ZNF71: variants seen among roughly 807,000 people sequenced by gnomAD.
The protein encoded by ZNF71 is zinc finger protein 71.
ZNF71 carries 3 observed loss-of-function variants against 6.7 expected under a neutral mutation model. The observed-to-expected ratio is 0.45, with a 90% CI of 0.20 to 1.16. ZNF71 has a LOEUF of 1.16. Among genes scored for constraint, ZNF71 ranks in the 50% most tolerant of loss-of-function variants. The pLI is 0.25. For synonymous variants in ZNF71, 343 were observed against 311.1 expected (o/e 1.10, Z -1.08); for missense variants, 688 against 728.6 (o/e 0.94, Z 0.64).
At position 56,613,758 on chromosome 19, in the gene ZNF71, CA is replaced by C; in HGVS notation, c.34-53del. The C allele has an allele frequency of 9.4e-7, 1 of 1,069,214 alleles. No individual in the cohort carries two copies. The highest frequency in any genetic ancestry group is 1.2e-6 in the Non-Finnish European group (1 of 865,692). 66.2% of individuals were successfully genotyped at this position (1,069,214 alleles called of 1,614,324 possible). ...CTCTTGGCTTTTCTGGCCATTCCTC[CA>C]CGCCTCTGTAAGGAGGGCCCTGCGA... On this transcript the variant is annotated intron_variant, in intron 2 of 3. Coordinates refer to ENST00000599599, the MANE Select transcript of ZNF71 (RefSeq NM_001370215.1). The surrounding 1 kb of genome is among the most constrained non-coding windows in gnomAD (Gnocchi z 4.6).
intron 2 of ZNF71, among the ~76,000 whole-genome samples, chr19:56,612,790 GA>G (rs1377599669): frequency 6.6e-6 from 1 of 152,076 alleles, no homozygotes; most frequent in Non-Finnish European, 1.5e-5. Flanking sequence ...TTTAAAAATT[GA>G]AAAACAAATT....
At position 56,622,580 on chromosome 19, in the gene ZNF71, C is replaced by G; in HGVS notation, c.1473C>G (p.Ile491Met). 6.2e-7 allele frequency: 1 copy of G among 1,613,420 alleles called. No individual in the cohort carries two copies. Among genetic ancestry groups the G allele is most frequent in the Non-Finnish European group, 8.5e-7 (1 of 1,179,586 alleles). Residue 491 changes from isoleucine (I) to methionine (M), a missense_variant, in exon 4 of 4, where the codon ATC becomes ATG. By Grantham distance (10) the Ile-to-Met change is conservative. Transcript: ENST00000599599. ...QSAYLIEHQRIHTGEKPYRCG... is the reference protein window; with the variant it reads ...QSAYLIEHQRMHTGEKPYRCG... The stretch of plus-strand genomic sequence containing the variant: ...CCTACCTCATCGAGCACCAGCGGAT[C>G]CACACCGGCGAGAAGCCGTACAGGT...
chr19:56,620,587 AGTGAC>A (rs2044836151), intron 3 of ZNF71, among the ~76,000 whole-genome samples: 2 of 151,810 alleles, frequency 1.3e-5, no homozygotes, highest in South Asian at 4.2e-4. Flanking sequence ...GCTGGAGTGC[AGTGAC>A]GTGATCATAG....
In ZNF71 at chr19:56,622,076, G is replaced by A. The variant is rs201252925; in HGVS notation, c.969G>A (p.Thr323=). The change falls in exon 4 of 4, where the codon ACG becomes ACA. Residue 323 remains threonine (T), a synonymous_variant. Coordinates refer to ENST00000599599, the MANE Select transcript of ZNF71 (RefSeq NM_001370215.1). The part of the protein sequence containing the change: ...QNMHLIVHQR[T]HTGEKPYVCP... ...TGCACCTCATCGTGCACCAGCGCAC[G>A]CACACCGGGGAGAAGCCGTACGTGT... The A allele has an allele frequency of 4.3e-6, 7 of 1,610,232 alleles. No homozygotes were observed. The East Asian group carries it at 1.3e-4, about 31-fold the overall frequency.
intron 2 of ZNF71, among the ~76,000 whole-genome samples, chr19:56,605,193 T>C (rs929344257): frequency 2.6e-5 from 4 of 152,200 alleles, no homozygotes; most frequent in African/African-American, 9.6e-5. Flanking sequence ...ACATCTCATA[T>C]GCTCTGTGTG....
rs146554145 is a variant in ZNF71, at chr19:56,599,037, C to T, written c.-52-2470C>T. On this transcript the variant is annotated intron_variant, in intron 1 of 3. Coordinates refer to ENST00000599599, the MANE Select transcript of ZNF71 (RefSeq NM_001370215.1). Reference sequence around the variant, plus strand: ...TGAGTGAGATTTTAATAAGCATCCCCAGTGATTCTGGTACTTTGAGAATTG... The same window carrying T: ...TGAGTGAGATTTTAATAAGCATCCCTAGTGATTCTGGTACTTTGAGAATTG... Among the ~76,000 whole-genome samples, 810 of 152,292 alleles carry T rather than the reference C, an allele frequency of 5.3e-3. 6 individuals carry two copies. The highest frequency in any genetic ancestry group is 0.018 in the African/African-American group (742 of 41,546).
chr19:56,622,591 A>C lies in ZNF71; in HGVS notation c.1484A>C (p.Glu495Ala), dbSNP rs751428159. The C allele has an allele frequency of 6.2e-7, 1 of 1,613,064 alleles. No individual in the cohort carries two copies. Among genetic ancestry groups the C allele is most frequent in the Non-Finnish European group, 8.5e-7 (1 of 1,179,548 alleles). ...GAGCACCAGCGGATCCACACCGGCG[A>C]GAAGCCGTACAGGTGCGGCCAGTGC... Reference protein sequence around the residue: ...LIEHQRIHTGEKPYRCGQCGK... With the variant: ...LIEHQRIHTGAKPYRCGQCGK... Residue 495 changes from glutamate to alanine, a missense_variant, in exon 4 of 4, where the codon GAG becomes GCG. Transcript: ENST00000599599.
chr19:56,597,774 A>G (rs555317596), intron 1 of ZNF71, among the ~76,000 whole-genome samples: 4 of 151,758 alleles, frequency 2.6e-5, no homozygotes, highest in East Asian at 1.9e-4. Context: ...TTTTTTTCCT[A>G]TATGTAACTT....
rs1198075441 is a variant in ZNF71, at chr19:56,614,294, CTAG to C, written c.160+357_160+359del. Among the ~76,000 whole-genome samples the C allele has an allele frequency of 4.6e-5, 7 of 152,116 alleles. No individual in the cohort carries two copies. In the East Asian group the frequency reaches 1.3e-3, roughly 29 times the overall value. ...TACTGGAGACACACAAATTGAGGTA[CTAG>C]CAGTTTTTGCCCATGAAGTGCACAA... On this transcript the variant is annotated intron_variant, in intron 3 of 3. Transcript: ENST00000599599.
At position 56,622,800 on chromosome 19, in the gene ZNF71, C is replaced by T. The variant is rs764660464; in HGVS notation, c.*43C>T. ...TCTCACTGGCGGTGCCCAGGACGGA[C>T]GCCAGATGGCTGCGCGCTTTGTCAG... On this transcript the variant is annotated 3_prime_UTR_variant, in exon 4 of 4. Transcript: ENST00000599599. 1.3e-5 allele frequency: 20 copies of T among 1,548,582 alleles called. No individual in the cohort carries two copies. The highest frequency in any genetic ancestry group is 4.1e-5 in the African/African-American group (3 of 73,186).
chr19:56,621,968 C>T lies in ZNF71; in HGVS notation c.861C>T (p.Ser287=). 1.2e-6 allele frequency: 2 copies of T among 1,603,484 alleles called. No homozygotes were observed. The highest frequency in any genetic ancestry group is 1.7e-6 in the Non-Finnish European group (2 of 1,177,524). ...GTGGCAAGGCCTTCCGGAAGACTTCCTCTCTCACCCAGCACGAGCGGATCC... is the reference window on the plus strand; with the variant it reads ...GTGGCAAGGCCTTCCGGAAGACTTCTTCTCTCACCCAGCACGAGCGGATCC... ...DVCGKAFRKT[S]SLTQHERIHT... The change falls in exon 4 of 4, where the codon TCC becomes TCT. Residue 287 remains serine (S), a synonymous_variant. Coordinates refer to ENST00000599599, the MANE Select transcript of ZNF71 (RefSeq NM_001370215.1).
chr19:56,599,916 C>T (rs1223829059), intron 1 of ZNF71, among the ~76,000 whole-genome samples: 4 of 151,584 alleles, frequency 2.6e-5, no homozygotes, highest in Non-Finnish European at 5.9e-5. Flanking sequence ...CTCCTGACCT[C>T]GTGATCCGCC....
chr19:56,602,758 G>A (rs2044680719), intron 2 of ZNF71, among the ~76,000 whole-genome samples: 1 of 152,052 alleles, frequency 6.6e-6, no homozygotes. Context: ...AAATATTTGT[G>A]GCAAATATTC....
At chr19:56,617,107 C>CTTTTTTTTTTTTTT (rs200131241) in intron 3 of ZNF71, among the ~76,000 whole-genome samples, 1 of 117,094 alleles carries the variant, frequency 8.5e-6, no homozygotes, top group African/African-American at 3.9e-5. Flanking sequence ...CTTCCATTTT[C>CTTTTTTTTTTTTTT]TTTTGTTTTT....
intron 2 of ZNF71, among the ~76,000 whole-genome samples, chr19:56,609,404 A>G (rs1043802262): frequency 6.6e-6 from 1 of 151,882 alleles, no homozygotes; most frequent in African/African-American, 2.4e-5. Flanking sequence ...AATTTTTACC[A>G]CTCCAAAAAG....
intron 2 of ZNF71, among the ~76,000 whole-genome samples, chr19:56,610,999 G>C (rs1339991715): frequency 1.3e-5 from 2 of 152,162 alleles, no homozygotes; most frequent in African/African-American, 4.8e-5. Context: ...AGTGCTGTTA[G>C]GAACATGGGT....
chr19:56,601,564 T>C lies in ZNF71; in HGVS notation c.6T>C (p.Ala2=), dbSNP rs956435574. The change falls in exon 2 of 4, where the codon GCT becomes GCC. Residue 2 remains alanine, a synonymous_variant. Coordinates refer to ENST00000599599, the MANE Select transcript of ZNF71 (RefSeq NM_001370215.1). M[A]AQLLTDEALE... is the part of the protein sequence containing the mutation. ...TCACCGTGGGCAGCAGAGGGATGGC[T>C]GCTCAGCTGCTGACTGATGAGGCAC... 17 of 985,908 alleles carry C rather than the reference T, an allele frequency of 1.7e-5. No homozygotes were observed. In the African/African-American group the frequency reaches 2.8e-4, roughly 16 times the overall value. The allele number at this position is 985,908 out of a possible 1,614,324, so 61.1% of individuals were successfully genotyped here. A position where few individuals can be genotyped will look rare whatever the true frequency, so the allele number is the denominator to read the frequency against.
intron 2 of ZNF71, chr19:56,610,037 A>G (rs1020573996): frequency 6.6e-6 from 1 of 152,182 alleles, no homozygotes; most frequent in Non-Finnish European, 1.5e-5. Context: ...TCGTCAGGAG[A>G]TGGACATTTG....
intron 2 of ZNF71, among the ~76,000 whole-genome samples, chr19:56,604,084 G>GTTA (rs10679100): frequency 0.79 from 119,830 of 151,762 alleles, 48,240 homozygotes; most frequent in East Asian, 1. Context: ...TCAGTGAATA[G>GTTA]TTGAGTGAAT....
Sources: allele counts gnomAD v4.1 joint callset (sites outside exome capture counted in the v4.1 genomes callset), GRCh38; gene constraint gnomAD v4.1.1; non-coding constraint Gnocchi (gnomAD v3.1); transcripts MANE v1.5; gene names NCBI Gene and HGNC (gene_info 2026-07-23, HGNC 2026-07-21).